VPS35L: variants seen among roughly 807,000 people sequenced by gnomAD.
VPS35L encodes VPS35 endosomal protein-sorting factor-like.
Under a neutral mutation model 133.0 loss-of-function variants are expected in VPS35L, and 83 were observed. The observed-to-expected ratio is 0.62, with a 90% confidence interval of 0.52 to 0.75. VPS35L has a LOEUF of 0.75. VPS35L is among the 30% of genes least tolerant of loss of function. VPS35L has a pLI of 0.00. For synonymous variants in VPS35L, 423 were observed against 449.9 expected (o/e 0.94, Z 0.76); for missense variants, 1,083 against 1,206.8 (o/e 0.90, Z 1.52).
chr16:19,613,365 A>G (rs1487680672), intron 12 of VPS35L, among the ~76,000 whole-genome samples: 1 of 151,842 alleles, frequency 6.6e-6, no homozygotes, highest in African/African-American at 2.4e-5. Flanking sequence ...CAAGTGGCAA[A>G]ACCCAGTTCA....
At chr16:19,586,395 A>G (rs1020136509) in intron 7 of VPS35L, among the ~76,000 whole-genome samples, 2 of 152,138 alleles carry the variant, frequency 1.3e-5, no homozygotes, top group East Asian at 1.9e-4. Context: ...GCTGGAGTGC[A>G]GTGGCATGAT....
At chr16:19,637,518 G>C (rs540935898) in intron 19 of VPS35L, 76 bp from the exon 20 acceptor site, 4 of 1,125,404 alleles carry the variant, frequency 3.6e-6, no homozygotes, top group Non-Finnish European at 4.9e-6. Flanking sequence ...AGGTTTTCCT[G>C]AGAGAATGTA....
At chr16:19,557,635 G>A (rs1391660982) in intron 1 of VPS35L, among the ~76,000 whole-genome samples, 1 of 151,962 alleles carries the variant, frequency 6.6e-6, no homozygotes, top group African/African-American at 2.4e-5. Flanking sequence ...CGCCGACCTC[G>A]GGTTCCCAAA....
chr16:19,634,623 T>C (rs1485851058), intron 19 of VPS35L, among the ~76,000 whole-genome samples: 1 of 152,098 alleles, frequency 6.6e-6, no homozygotes, highest in Non-Finnish European at 1.5e-5. Flanking sequence ...TTGAGAAATG[T>C]GAAAGAAATG....
intron 15 of VPS35L, 80 bp downstream of exon 15, chr16:19,626,303 G>C: frequency 9.6e-7 from 1 of 1,043,780 alleles, no homozygotes; most frequent in South Asian, 1.3e-5. Flanking sequence ...GCTTACCTGG[G>C]TATGAGCTGA....
At chr16:19,669,136 T>A in intron 26 of VPS35L, 24 bp from the exon 27 acceptor site, 1 of 1,585,988 alleles carries the variant, frequency 6.3e-7, no homozygotes, top group Non-Finnish European at 8.6e-7. Context: ...TCTAATATAC[T>A]GACTTTTATC....
intron 7 of VPS35L, among the ~76,000 whole-genome samples, chr16:19,585,412 T>C (rs8063693): frequency 0.26 from 35,930 of 137,120 alleles, 4,723 homozygotes; most frequent in African/African-American, 0.37. Context: ...TTTTCTTTTT[T>C]TTTTTTTTTT....
intron 26 of VPS35L, among the ~76,000 whole-genome samples, chr16:19,661,273 T>C (rs1974478706): frequency 6.6e-6 from 1 of 151,964 alleles, no homozygotes; most frequent in African/African-American, 2.4e-5. Flanking sequence ...CCCCCCTCTA[T>C]TTTTTTTCCT....
At chr16:19,587,722 G>A (rs1044819050) in intron 7 of VPS35L, among the ~76,000 whole-genome samples, 9 of 150,406 alleles carry the variant, frequency 6.0e-5, no homozygotes, top group Non-Finnish European at 1.5e-5. Flanking sequence ...GACCATAAAT[G>A]TAAGAGTTTA....
Position 19,682,754 on chromosome 16 carries a change from C to T in VPS35L, c.2527+364C>T, listed in dbSNP as rs574736754. On this transcript the variant is annotated intron_variant, in intron 28 of 30. Transcript: ENST00000417362. ...GTGCACCCCTGTAATCCCAACTACTCGGGAGACTGAGGCAGGAGAATCGCT... is the reference window on the plus strand; with the variant it reads ...GTGCACCCCTGTAATCCCAACTACTTGGGAGACTGAGGCAGGAGAATCGCT... 5.3e-5 allele frequency among the ~76,000 whole-genome samples: 8 copies of T among 152,186 alleles called. No individual in the cohort carries two copies. In the South Asian group the frequency reaches 1.2e-3, roughly 24 times the overall value.
At chr16:19,564,613 G>T (rs1971128818) in intron 1 of VPS35L, among the ~76,000 whole-genome samples, 1 of 152,134 alleles carries the variant, frequency 6.6e-6, no homozygotes, top group Non-Finnish European at 1.5e-5. Flanking sequence ...TGGCCAGGCT[G>T]GTCTCAAACT....
chr16:19,654,403 A>T (rs1014820538), intron 26 of VPS35L, among the ~76,000 whole-genome samples: 2 of 151,934 alleles, frequency 1.3e-5, no homozygotes, highest in South Asian at 4.2e-4. Context: ...GTGTAGGTCA[A>T]CATGGAACTT....
At chr16:19,587,683 C>T (rs1442416507) in intron 7 of VPS35L, among the ~76,000 whole-genome samples, 4 of 151,572 alleles carry the variant, frequency 2.6e-5, no homozygotes, top group Non-Finnish European at 5.9e-5. Context: ...ATTCAGACTA[C>T]TTAAAAAACA....
At chr16:19,622,140 CTTTTTTTT>C (rs60521137) in intron 14 of VPS35L, among the ~76,000 whole-genome samples, 88 of 107,920 alleles carry the variant, frequency 8.2e-4, no homozygotes, top group African/African-American at 2.9e-3. Context: ...CCATGTATAT[CTTTTTTTT>C]TTTTTTTTTT....
At chr16:19,687,870 T>C (rs1975518139) in intron 28 of VPS35L, among the ~76,000 whole-genome samples, 1 of 151,980 alleles carries the variant, frequency 6.6e-6, no homozygotes. Context: ...TCCAGCACTT[T>C]GGGAGGCCAA....
chr16:19,654,814 GA>G (rs1221057176), intron 26 of VPS35L, among the ~76,000 whole-genome samples: 4 of 152,206 alleles, frequency 2.6e-5, no homozygotes, highest in African/African-American at 7.2e-5. Flanking sequence ...CCACTTACCA[GA>G]ACTGCAAGGG....
intron 9 of VPS35L, among the ~76,000 whole-genome samples, chr16:19,602,842 G>A (rs1438559996): frequency 6.6e-6 from 1 of 151,868 alleles, no homozygotes; most frequent in Non-Finnish European, 1.5e-5. Flanking sequence ...GACCTCAAGT[G>A]ATTCATCCGC....
chr16:19,597,025 ACAAT>A (rs141451247), intron 8 of VPS35L, among the ~76,000 whole-genome samples: 7,694 of 151,480 alleles, frequency 0.051, 393 homozygotes, highest in East Asian at 0.22. Context: ...TCTCAGAAAA[ACAAT>A]CAAACCAACA....
chr16:19,612,127 CG>C (rs1443175385), intron 12 of VPS35L, among the ~76,000 whole-genome samples: 8 of 151,940 alleles, frequency 5.3e-5, no homozygotes, highest in South Asian at 2.1e-4. Context: ...TTAGTAGAGA[CG>C]GGGTTTCACC....
Sources: gnomAD v4.1 joint callset for allele counts (sites outside exome capture counted in the v4.1 genomes callset) on GRCh38, gnomAD v4.1.1 for gene constraint, MANE v1.5 for transcripts, NCBI Gene and HGNC (gene_info 2026-07-23, HGNC 2026-07-21) for gene names.